Variants in MRTFB observed in about 807,000 individuals in gnomAD.
MRTFB encodes the protein myocardin-related transcription factor B.
Under a neutral mutation model 104.2 loss-of-function variants are expected in MRTFB, and 29 were observed. The ratio of observed to expected loss-of-function variants is 0.28; its 90% CI spans 0.21 to 0.38. The LOEUF is 0.38. MRTFB is among the 10% of genes least tolerant of loss of function. The pLI is 1.00. For missense variants in MRTFB, 1,270 were observed against 1,341.6 expected (o/e 0.95, Z 0.83); for synonymous variants, 535 against 519.5 (o/e 1.03, Z -0.41).
chr16:14,077,094 G>C (rs1404399458), intron 1 of MRTFB, among the ~76,000 whole-genome samples: 2 of 152,128 alleles, frequency 1.3e-5, no homozygotes, highest in Non-Finnish European at 2.9e-5. Flanking sequence ...ATGTATTTTG[G>C]TATAAAGAAG....
chr16:14,052,752 AAAAG>A, the MRTFB span, among the ~76,000 whole-genome samples: 482 of 151,954 alleles, frequency 3.2e-3, no homozygotes, highest in African/African-American at 0.011. Flanking sequence ...AAAAAAAAAA[AAAAG>A]AAAGAAAGAA....
the MRTFB span, among the ~76,000 whole-genome samples, chr16:14,001,640 G>A: frequency 3.6e-3 from 545 of 152,296 alleles, 1 homozygote; most frequent in Non-Finnish European, 5.9e-3. Context: ...CGTGTCCCAC[G>A]GTGAACACTG....
chr16:14,256,957 A>G (rs1597392616), intron 15 of MRTFB, among the ~76,000 whole-genome samples: 1 of 152,246 alleles, frequency 6.6e-6, no homozygotes, highest in East Asian at 1.9e-4. Flanking sequence ...CCCAAAGAAG[A>G]TAAATGGATG....
chr16:14,004,280 T>G, the MRTFB span, among the ~76,000 whole-genome samples: 35 of 152,130 alleles, frequency 2.3e-4, no homozygotes, highest in African/African-American at 8.0e-4. Flanking sequence ...AAGCCGCCCA[T>G]CCTGTTCCAT....
chr16:14,212,276 T>A lies in MRTFB; in HGVS notation c.221-78T>A. 4.3e-6 allele frequency: 6 copies of A among 1,397,822 alleles called. No individual in the cohort carries two copies. The South Asian group carries it at 7.3e-5, about 17-fold the overall frequency. 86.6% of individuals were successfully genotyped at this position (1,397,822 alleles called of 1,614,324 possible). A position where few individuals can be genotyped will look rare whatever the true frequency, so the allele number is the denominator to read the frequency against. ...AGTTGTGATCTGTTAATAATAGGGT[T>A]ATCACCATGGTATACTATAACATTG... On this transcript the variant is annotated intron_variant, in intron 4 of 16. Transcript: ENST00000571589.
At chr16:14,129,011 AT>A (rs1302157296) in intron 2 of MRTFB, among the ~76,000 whole-genome samples, 5 of 152,212 alleles carry the variant, frequency 3.3e-5, no homozygotes, top group Admixed American at 2.0e-4. Context: ...ATGTCCAAGT[AT>A]TGAAGCCCTT....
intron 3 of MRTFB, among the ~76,000 whole-genome samples, chr16:14,187,416 CAT>C (rs1268454971): frequency 6.6e-6 from 1 of 152,154 alleles, no homozygotes; most frequent in African/African-American, 2.4e-5. Context: ...TTTCCAAACA[CAT>C]AATTCCAGGA....
intron 3 of MRTFB, among the ~76,000 whole-genome samples, chr16:14,173,707 A>G (rs1334845387): frequency 6.6e-6 from 1 of 152,164 alleles, no homozygotes; most frequent in African/African-American, 2.4e-5. Flanking sequence ...ACTTGCATGT[A>G]AAATAGAACT....
intron 7 of MRTFB, 61 bp from the exon 8 acceptor site, chr16:14,218,759 A>C (rs925653649): frequency 1.6e-5 from 24 of 1,475,780 alleles, no homozygotes; most frequent in Non-Finnish European, 2.2e-5. Context: ...TTCCTCCTTC[A>C]CATTAAGCTT....
Position 14,252,749 on chromosome 16 carries a change from T to A in MRTFB, c.2703+247T>A, listed in dbSNP as rs143520236. ...AGAAATTAAGGGTTTATCTCTTAAC[T>A]TTTCTTTTGGGGTAGGGGCATCAGT... On this transcript the variant is annotated intron_variant, in intron 15 of 16. Coordinates refer to ENST00000571589, the MANE Select transcript of MRTFB (RefSeq NM_001308142.2). Among the ~76,000 whole-genome samples, 190 of 152,328 alleles carry A rather than the reference T, an allele frequency of 1.2e-3. 1 individual carries two copies. The highest frequency in any genetic ancestry group is 4.5e-3 in the African/African-American group (186 of 41,562).
intron 6 of MRTFB, among the ~76,000 whole-genome samples, chr16:14,216,912 C>A (rs1301056811): frequency 6.6e-6 from 1 of 152,130 alleles, no homozygotes; most frequent in Non-Finnish European, 1.5e-5. Context: ...CTGTGGGCAT[C>A]CAAATTACAT....
chr16:14,031,579 A>G, the MRTFB span, among the ~76,000 whole-genome samples: 1 of 152,076 alleles, frequency 6.6e-6, no homozygotes, highest in Non-Finnish European at 1.5e-5. Flanking sequence ...GCGTAAGTGG[A>G]TTGGATATTG....
intron 1 of MRTFB, among the ~76,000 whole-genome samples, chr16:14,077,202 C>T (rs2034116977): frequency 6.6e-6 from 1 of 152,168 alleles, no homozygotes; most frequent in Admixed American, 6.5e-5. Flanking sequence ...CTGGAATCTG[C>T]CCGTGTTTTC....
At chr16:14,253,142 G>A (rs1192871970) in intron 15 of MRTFB, among the ~76,000 whole-genome samples, 4 of 152,152 alleles carry the variant, frequency 2.6e-5, no homozygotes, top group African/African-American at 7.2e-5. Flanking sequence ...AGAAGTTAGG[G>A]TTCCTATTTG....
At chr16:14,000,360 C>A in the MRTFB span, among the ~76,000 whole-genome samples, 1 of 152,198 alleles carries the variant, frequency 6.6e-6, no homozygotes, top group Non-Finnish European at 1.5e-5. Context: ...GCTGGCAAGT[C>A]AAGGGATTGA....
At chr16:14,034,950 G>A in the MRTFB span, among the ~76,000 whole-genome samples, 2 of 152,108 alleles carry the variant, frequency 1.3e-5, no homozygotes, top group Non-Finnish European at 2.9e-5. Flanking sequence ...TCTCCTCTAC[G>A]CTTTCTCTGC....
intron 2 of MRTFB, among the ~76,000 whole-genome samples, chr16:14,088,664 A>G (rs2034869890): frequency 6.6e-6 from 1 of 152,168 alleles, no homozygotes; most frequent in Non-Finnish European, 1.5e-5. Context: ...AATACAGCAG[A>G]GACTTGTTTA....
chr16:14,042,038 C>G, the MRTFB span, among the ~76,000 whole-genome samples: 1 of 152,286 alleles, frequency 6.6e-6, no homozygotes, highest in Non-Finnish European at 1.5e-5. Context: ...TACTGTTTTC[C>G]ATGATGCTGA....
intron 3 of MRTFB, chr16:14,144,027 A>G (rs1010158725): frequency 6.6e-6 from 1 of 152,134 alleles, no homozygotes; most frequent in African/African-American, 2.4e-5. Flanking sequence ...ACGACACCCA[A>G]CACTTTGCAT....
Sources: gnomAD v4.1 joint callset for allele counts (sites outside exome capture counted in the v4.1 genomes callset) on GRCh38, gnomAD v4.1.1 for gene constraint, MANE v1.5 for transcripts, NCBI Gene and HGNC (gene_info 2026-07-23, HGNC 2026-07-21) for gene names.